The following GTPBP6 variants were observed in gnomAD, a reference collection of about 807,000 sequenced individuals.
The protein encoded by GTPBP6 is GTP binding protein 6.
In GTPBP6, 33 loss-of-function variants were observed where a neutral mutation model predicts 28.9. The ratio of observed to expected loss-of-function variants is 1.14; its 90% CI spans 0.87 to 1.53. GTPBP6 has a LOEUF of 1.53. Ranked by LOEUF, GTPBP6 falls within the 40% of genes most tolerant of loss-of-function variation. The pLI is 0.00. For synonymous variants in GTPBP6, 231 were observed against 192.7 expected (o/e 1.20, Z -1.65); for missense variants, 507 against 408.3 (o/e 1.24, Z -2.08).
chrX:314,863 C>T (rs1217351008), intron 4 of GTPBP6, 27 bp downstream of exon 4: 6 of 399,404 alleles, frequency 1.5e-5, no homozygotes, highest in African/African-American at 4.1e-5. Flanking sequence ...ACGTGACGCT[C>T]GGCGCGGCCC....
At chrX:304,995 G>A in exon 10 of GTPBP6, 26 of 1,566,356 alleles carry the variant, frequency 1.7e-5, no homozygotes, top group South Asian at 2.3e-5. Context: ...CTGACACCAA[G>A]CTGCCCCCAA....
At chrX:314,080 G>A in intron 5 of GTPBP6, 70 bp downstream of exon 5, 1 of 1,193,386 alleles carries the variant, frequency 8.4e-7, no homozygotes, top group Non-Finnish European at 1.2e-6. Context: ...TTCCAGGGCT[G>A]AGAAGGGTGG....
intron 9 of GTPBP6, among the ~76,000 whole-genome samples, chrX:305,954 G>T (rs1167922586): frequency 2.6e-5 from 4 of 151,830 alleles, no homozygotes; most frequent in African/African-American, 9.7e-5. Context: ...TAGAGATGGG[G>T]TCTCACCATG....
At chrX:307,490 C>T (rs368768032) in exon 9 of GTPBP6, 19 of 1,611,254 alleles carry the variant, frequency 1.2e-5, no homozygotes, top group Middle Eastern at 2.0e-4. Flanking sequence ...ACGGGCACGA[C>T]GTTCGGTTCC....
intron 6 of GTPBP6, chrX:312,088 T>C (rs1322311561): frequency 2.2e-6 from 1 of 448,334 alleles, no homozygotes; most frequent in East Asian, 6.4e-5. Context: ...GGCGATGGTG[T>C]AGACAGATGG....
rs752669153 is a variant in GTPBP6, at chrX:305,107, G to C, written c.1518C>G (p.Ala506=). 9.9e-6 allele frequency: 16 copies of C among 1,613,270 alleles called. 1 individual carries two copies. The highest frequency in any genetic ancestry group is 3.3e-5 in the Admixed American group (2 of 59,938). Residue 506 remains alanine (A), a synonymous_variant, in exon 10 of 10, where the codon GCC becomes GCG. Coordinates refer to ENST00000326153, the Ensembl canonical transcript of GTPBP6. ...GAAAGAGCTTCCGGAATTTGCCGTA[G>C]GCTGAGTTGCTGATGATGACCCTCA...
chrX:318,676 C>A (rs1288945354), exon 1 of GTPBP6: 132 of 393,832 alleles, frequency 3.4e-4, no homozygotes, highest in Admixed American at 4.0e-4. Flanking sequence ...CGGCCGACAG[C>A]GGCTAGCGCG....
chrX:315,606 GACAGAC>G (rs2070417682), intron 2 of GTPBP6, among the ~76,000 whole-genome samples: 4 of 146,532 alleles, frequency 2.7e-5, no homozygotes, highest in Admixed American at 2.1e-4. Context: ...TCCCGACAGG[GACAGAC>G]ACAGACACAC....
chrX:312,744 C>G (rs367627360), intron 6 of GTPBP6, 22 bp downstream of exon 6: 46 of 1,591,788 alleles, frequency 2.9e-5, no homozygotes, highest in Admixed American at 5.3e-5. Flanking sequence ...GCGGAAGGCC[C>G]CTCCCCTGGG....
At chrX:306,863 C>A (rs1327363582) in intron 9 of GTPBP6, among the ~76,000 whole-genome samples, 1 of 121,394 alleles carries the variant, frequency 8.2e-6, no homozygotes, top group Non-Finnish European at 1.7e-5. Flanking sequence ...AGATTAGGCA[C>A]CTGTTGTATG....
chrX:317,515 C>T (rs1346006685), intron 1 of GTPBP6, among the ~76,000 whole-genome samples: 15 of 138,510 alleles, frequency 1.1e-4, no homozygotes, highest in African/African-American at 3.7e-4. Flanking sequence ...CTTTATGAGA[C>T]TCTGACACGT....
exon 1 of GTPBP6, chrX:318,452 C>A: frequency 2.5e-6 from 1 of 398,526 alleles, no homozygotes; most frequent in Non-Finnish European, 4.4e-6. Context: ...GAGTCATCTG[C>A]GACTTCCCCG....
At chrX:304,856 G>A in exon 10 of GTPBP6, 5 of 1,430,254 alleles carry the variant, frequency 3.5e-6, no homozygotes, top group Non-Finnish European at 4.6e-6. Flanking sequence ...GGATGCTCAG[G>A]CTTGGAGTGG....
chrX:308,892 T>C (rs750425792), intron 7 of GTPBP6, among the ~76,000 whole-genome samples: 1 of 151,850 alleles, frequency 6.6e-6, no homozygotes, highest in Non-Finnish European at 1.5e-5. Flanking sequence ...CCCGCCACCA[T>C]GCCTGGCTAA....
At position 312,747 on chromosome X, in the gene GTPBP6, C is replaced by T. The variant is rs764225435; in HGVS notation, c.916+19G>A. The T allele has an allele frequency of 3.1e-6, 5 of 1,592,252 alleles. No individual in the cohort carries two copies. Among genetic ancestry groups the T allele is most frequent in the Non-Finnish European group, 4.3e-6 (5 of 1,171,000 alleles). ...GACACGGAGACCGCGGAAGGCCCCT[C>T]CCCTGGGCGCGTGCTCACCGCAGTT... On this transcript the variant is annotated intron_variant, in intron 6 of 9. Coordinates refer to ENST00000326153, the Ensembl canonical transcript of GTPBP6.
At chrX:307,101 ATT>A (rs1356838372) in intron 9 of GTPBP6, among the ~76,000 whole-genome samples, 2 of 151,874 alleles carry the variant, frequency 1.3e-5, no homozygotes, top group African/African-American at 4.8e-5. Flanking sequence ...AGAAATGTAC[ATT>A]TTGACTGTCA....
intron 7 of GTPBP6, among the ~76,000 whole-genome samples, chrX:311,069 T>TCACGGCGGCAAGAACAC (rs2070277613): frequency 1.3e-5 from 2 of 151,462 alleles, no homozygotes; most frequent in African/African-American, 2.4e-5. Flanking sequence ...GGCAAGAACA[T>TCACGGCGGCAAGAACAC]GGCCCTGAGT....
intron 5 of GTPBP6, among the ~76,000 whole-genome samples, chrX:313,909 C>T (rs2070367778): frequency 7.2e-6 from 1 of 139,346 alleles, no homozygotes; most frequent in Non-Finnish European, 1.6e-5. Flanking sequence ...TTAGGCAAAA[C>T]CTCCAAAAAC....
chrX:314,018 C>T, intron 5 of GTPBP6, 132 bp downstream of exon 5: 2 of 781,698 alleles, frequency 2.6e-6, no homozygotes, highest in Non-Finnish European at 2.2e-6. Context: ...CCTATGTCCT[C>T]AAATGCTACC....
Sources: allele counts gnomAD v4.1 joint callset (sites outside exome capture counted in the v4.1 genomes callset), GRCh38; gene constraint gnomAD v4.1.1; transcripts MANE v1.5; gene names NCBI Gene and HGNC (gene_info 2026-07-23, HGNC 2026-07-21).